The following ZCCHC4 variants were observed in gnomAD, a reference collection of about 807,000 sequenced individuals.
ZCCHC4 encodes rRNA N(6)-adenosine-methyltransferase ZCCHC4.
Under a neutral mutation model 67.7 loss-of-function variants are expected in ZCCHC4, and 54 were observed. The ratio of observed to expected loss-of-function variants is 0.80; its 90% CI spans 0.64 to 1.00. The LOEUF is 1.00. Ranked by LOEUF, ZCCHC4 falls within the 50% of genes least tolerant of loss-of-function variation. ZCCHC4 has a pLI of 0.00. For missense variants in ZCCHC4, 609 were observed against 617.0 expected (o/e 0.99, Z 0.14); for synonymous variants, 198 against 213.5 (o/e 0.93, Z 0.63).
Position 25,351,625 on chromosome 4 carries a change from TCC to T in ZCCHC4, c.950_951del (p.Pro317LeufsTer4). On this transcript the variant is annotated frameshift_variant, in exon 8 of 13. Coordinates refer to ENST00000302874, the MANE Select transcript of ZCCHC4 (RefSeq NM_024936.3). LOFTEE classifies it high-confidence loss of function. ...AAAGAACTACCCATTTTCTGGATTT[TCC>T]CCTATTTTTTTGAATCCCGAATTTG... 6 of 1,612,670 alleles carry T rather than the reference TCC, an allele frequency of 3.7e-6. No individual in the cohort carries two copies. The highest frequency in any genetic ancestry group is 1.3e-5 in the African/African-American group (1 of 74,994).
chr4:25,362,549 C>A (rs62409204), intron 10 of ZCCHC4, among the ~76,000 whole-genome samples: 2,894 of 152,160 alleles, frequency 0.019, 42 homozygotes, highest in Non-Finnish European at 0.028. Flanking sequence ...AAATTATCAG[C>A]GTCTCAAATA....
intron 3 of ZCCHC4, among the ~76,000 whole-genome samples, chr4:25,318,349 C>CTTT (rs528144406): frequency 0.024 from 1,084 of 45,538 alleles, 4 homozygotes; most frequent in Non-Finnish European, 0.027. Flanking sequence ...CACTCTCTCT[C>CTTT]TTTTTTTTTT....
intron 3 of ZCCHC4, among the ~76,000 whole-genome samples, chr4:25,326,657 T>C (rs1311058528): frequency 6.6e-6 from 1 of 152,210 alleles, no homozygotes; most frequent in Non-Finnish European, 1.5e-5. Flanking sequence ...TTTTCAAAGT[T>C]GTTTCCGCTA....
rs1720866341 is a variant in ZCCHC4, at chr4:25,364,473, AT to A, written c.1231del (p.Cys411AlafsTer8). On this transcript the variant is annotated frameshift_variant, in exon 11 of 13. Transcript: ENST00000302874. LOFTEE classifies it high-confidence loss of function. ...TGGTAGGATGGCAGGAAATGGAACC[AT>A]TGCTTTCTCTGTAAAAAGTGTGTAA... ...CTSKDGRKWN[H>X]CFLCKKCVKP... 1.3e-6 allele frequency: 2 copies of A among 1,545,984 alleles called. No homozygotes were observed. The highest frequency in any genetic ancestry group is 1.7e-6 in the Non-Finnish European group (2 of 1,151,742).
chr4:25,365,435 C>T (rs1577355562), intron 12 of ZCCHC4: 12 of 1,190,808 alleles, frequency 1.0e-5, no homozygotes, highest in South Asian at 4.7e-5. Flanking sequence ...CTTGGCTTTA[C>T]GTCTCATGTG....
In ZCCHC4 at chr4:25,325,297, C is replaced by T. The variant is rs75244232; in HGVS notation, c.330-7886C>T. 0.011 allele frequency among the ~76,000 whole-genome samples: 1,441 copies of T among 135,900 alleles called. 75 individuals carry two copies. The East Asian group carries it at 0.14, about 13-fold the overall frequency. 89.2% of individuals were successfully genotyped at this position (135,900 alleles called of 152,430 possible). On this transcript the variant is annotated intron_variant, in intron 3 of 12. Coordinates refer to ENST00000302874, the MANE Select transcript of ZCCHC4 (RefSeq NM_024936.3). ...TTCTGCCATTCTTGGGTCGTCTTTT[C>T]ACTCTCTCTTTTTTTTTTTTTTGGC... is the stretch of plus-strand genomic sequence containing the variant.
At chr4:25,337,317 C>T (rs1158533552) in intron 5 of ZCCHC4, among the ~76,000 whole-genome samples, 1 of 152,218 alleles carries the variant, frequency 6.6e-6, no homozygotes, top group Non-Finnish European at 1.5e-5. Flanking sequence ...CTAGGGCTCC[C>T]TCTTTCTCTC....
At position 25,314,130 on chromosome 4, in the gene ZCCHC4, A is replaced by G; in HGVS notation, c.212A>G (p.Lys71Arg). The G allele has an allele frequency of 1.2e-6, 2 of 1,607,516 alleles. No homozygotes were observed. The highest frequency in any genetic ancestry group is 8.5e-7 in the Non-Finnish European group (1 of 1,178,226). The change falls in exon 2 of 13, where the codon AAA becomes AGA. Residue 71 changes from lysine to arginine, a missense_variant. Physicochemically the swap from Lys to Arg is conservative, Grantham distance 26. Coordinates refer to ENST00000302874, the MANE Select transcript of ZCCHC4 (RefSeq NM_024936.3). Reference sequence around the variant, plus strand: ...GCCTGTTCAGCCTGTAGAGATAGAAAAGACTGTAATTTTTTTCAGTGGGAA... The same window carrying G: ...GCCTGTTCAGCCTGTAGAGATAGAAGAGACTGTAATTTTTTTCAGTGGGAA... ...FYACSACRDRKDCNFFQWEDE... is the reference protein window; with the variant it reads ...FYACSACRDRRDCNFFQWEDE...
chr4:25,349,740 A>G, intron 7 of ZCCHC4, 98 bp downstream of exon 7: 2 of 1,271,020 alleles, frequency 1.6e-6, no homozygotes, highest in African/African-American at 1.5e-5. Flanking sequence ...GATAGAATAT[A>G]CATGTCTTGA....
At chr4:25,345,503 C>A in intron 5 of ZCCHC4, 45 bp from the exon 6 acceptor site, 2 of 1,051,380 alleles carry the variant, frequency 1.9e-6, no homozygotes, top group Non-Finnish European at 2.9e-6. Flanking sequence ...TATTTGTCTA[C>A]TCTATAGCTG....
intron 5 of ZCCHC4, among the ~76,000 whole-genome samples, chr4:25,343,981 A>T (rs73096490): frequency 0.014 from 2,057 of 152,282 alleles, 50 homozygotes; most frequent in African/African-American, 0.046. Flanking sequence ...TGGAGTTCAA[A>T]ATCCTATTGA....
At position 25,343,980 on chromosome 4, in the gene ZCCHC4, A is replaced by G. The variant is rs907660314; in HGVS notation, c.687-1568A>G. ...TGTGTAATAAAATAGTTGGAGTTCA[A>G]AATCCTATTGAGATAACAAAAAGGT... On this transcript the variant is annotated intron_variant, in intron 5 of 12. Coordinates refer to ENST00000302874, the MANE Select transcript of ZCCHC4 (RefSeq NM_024936.3). 2.0e-5 allele frequency among the ~76,000 whole-genome samples: 3 copies of G among 152,212 alleles called. No homozygotes were observed. In the South Asian group the frequency reaches 6.2e-4, roughly 32 times the overall value.
chr4:25,317,723 AAAAGAAAG>A (rs1398709041), intron 3 of ZCCHC4, among the ~76,000 whole-genome samples: 2 of 136,790 alleles, frequency 1.5e-5, no homozygotes, highest in African/African-American at 2.6e-5. Flanking sequence ...AAAAAAAAAA[AAAAGAAAG>A]AAAAGAAAAT....
chr4:25,339,818 C>T (rs1719637728), intron 5 of ZCCHC4, among the ~76,000 whole-genome samples: 1 of 151,614 alleles, frequency 6.6e-6, no homozygotes, highest in Non-Finnish European at 1.5e-5. Flanking sequence ...CCCATGTTTT[C>T]ATCAAAGAGT....
Position 25,364,437 on chromosome 4 carries a change from G to GTTT in ZCCHC4, c.1210-8_1210-6dup, listed in dbSNP as rs368369900. Reference sequence around the variant, plus strand: ...ACAAATTAATTATAATTTAAAAATTGTTTTTTTTTTTGGTAGGATGGCAGG... The same window carrying GTTT: ...ACAAATTAATTATAATTTAAAAATTGTTTTTTTTTTTTTTGGTAGGATGGCAGG... On this transcript the variant is annotated splice_polypyrimidine_tract_variant and intron_variant, in intron 10 of 12. Transcript: ENST00000302874. 2.0e-5 allele frequency: 23 copies of GTTT among 1,139,204 alleles called. No homozygotes were observed. The highest frequency in any genetic ancestry group is 7.3e-5 in the South Asian group (4 of 54,570). 70.6% of individuals were successfully genotyped at this position (1,139,204 alleles called of 1,614,324 possible). A position where few individuals can be genotyped will look rare whatever the true frequency, so the allele number is the denominator to read the frequency against.
intron 6 of ZCCHC4, among the ~76,000 whole-genome samples, chr4:25,345,887 C>T (rs971541124): frequency 6.6e-6 from 1 of 152,158 alleles, no homozygotes; most frequent in South Asian, 2.1e-4. Context: ...CCCCGATTTC[C>T]ACTCTAGCCT....
chr4:25,324,014 G>GTTTTTTTCTTTTTT (rs1718724431), intron 3 of ZCCHC4, among the ~76,000 whole-genome samples: 1 of 82,448 alleles, frequency 1.2e-5, no homozygotes, highest in Non-Finnish European at 2.1e-5. Flanking sequence ...TGTTTTTTGT[G>GTTTTTTTCTTTTTT]TTTTTTTTTT....
intron 11 of ZCCHC4, 125 bp from the exon 12 acceptor site, chr4:25,364,897 A>G: frequency 7.5e-7 from 1 of 1,325,610 alleles, no homozygotes; most frequent in Non-Finnish European, 1.0e-6. Flanking sequence ...CCAAACTAAA[A>G]CTAGCTGTGC....
At chr4:25,344,888 C>T (rs543160022) in intron 5 of ZCCHC4, among the ~76,000 whole-genome samples, 4 of 151,600 alleles carry the variant, frequency 2.6e-5, no homozygotes, top group South Asian at 2.1e-4. Context: ...CTGCATCCTC[C>T]GCCTCCTGGG....
Sources: gnomAD v4.1 joint callset for allele counts (sites outside exome capture counted in the v4.1 genomes callset) on GRCh38, gnomAD v4.1.1 for gene constraint, MANE v1.5 for transcripts, NCBI Gene and HGNC (gene_info 2026-07-23, HGNC 2026-07-21) for gene names.